Variants in RBM47 observed in about 807,000 individuals in gnomAD.
The protein encoded by RBM47 is RNA-binding protein 47.
A neutral mutation model predicts 47.1 loss-of-function variants in RBM47; 21 were observed. That is an observed-to-expected ratio of 0.45 (90% CI 0.32 to 0.64). RBM47 has a LOEUF of 0.64. Ranked by LOEUF, RBM47 falls within the 30% of genes least tolerant of loss-of-function variation. RBM47 has a pLI of 0.05. For missense variants in RBM47, 708 were observed against 870.9 expected (o/e 0.81, Z 2.35); for synonymous variants, 375 against 361.7 (o/e 1.04, Z -0.42).
intron 1 of RBM47, among the ~76,000 whole-genome samples, chr4:40,607,347 G>A (rs1353483391): frequency 6.6e-6 from 1 of 152,192 alleles, no homozygotes; most frequent in Non-Finnish European, 1.5e-5. Context: ...GCCAGGGGAT[G>A]GGAGAGAGAG....
intron 2 of RBM47, among the ~76,000 whole-genome samples, chr4:40,535,605 G>GT (rs1727894336): frequency 5.9e-5 from 9 of 151,330 alleles, no homozygotes; most frequent in Non-Finnish European, 1.2e-4. Flanking sequence ...CTGTCGCCCA[G>GT]GCTGGAGTGC....
intron 1 of RBM47, among the ~76,000 whole-genome samples, chr4:40,619,850 C>T (rs1737090858): frequency 6.6e-6 from 1 of 152,202 alleles, no homozygotes; most frequent in Non-Finnish European, 1.5e-5. Flanking sequence ...TTATTCACCA[C>T]TGGGTACTTC....
chr4:40,602,440 G>C (rs995852109), intron 1 of RBM47, among the ~76,000 whole-genome samples: 1 of 151,930 alleles, frequency 6.6e-6, no homozygotes, highest in Non-Finnish European at 1.5e-5. Flanking sequence ...ATGAGGTCAA[G>C]ATATCGAGAC....
intron 1 of RBM47, among the ~76,000 whole-genome samples, chr4:40,566,617 G>A (rs777450844): frequency 2.0e-5 from 3 of 151,948 alleles, no homozygotes; most frequent in Non-Finnish European, 2.9e-5. Flanking sequence ...TACACTCCAC[G>A]CTGGGCGACA....
chr4:40,449,345 G>C (rs562187037), intron 3 of RBM47, among the ~76,000 whole-genome samples: 1 of 152,124 alleles, frequency 6.6e-6, no homozygotes, highest in Non-Finnish European at 1.5e-5. Context: ...ATGACATTCC[G>C]GGCCATGCCT....
At chr4:40,469,778 A>G (rs1718576559) in intron 2 of RBM47, among the ~76,000 whole-genome samples, 1 of 151,882 alleles carries the variant, frequency 6.6e-6, no homozygotes, top group Non-Finnish European at 1.5e-5. Context: ...CCTTTTTATG[A>G]TGTAGCACAA....
intron 2 of RBM47, among the ~76,000 whole-genome samples, chr4:40,534,237 A>G (rs1000208639): frequency 2.6e-5 from 4 of 151,930 alleles, no homozygotes; most frequent in Non-Finnish European, 4.4e-5. Flanking sequence ...CAGTGCTGGG[A>G]TTACAGGCCT....
chr4:40,620,374 A>G lies in RBM47; in HGVS notation c.-240+9022T>C, dbSNP rs527780872. Reference sequence around the variant, plus strand: ...ACAAAAATTAGCCAGGCATGGTGGCAGGCGCCTGTAATCCCAGCTAGCCAG... The same window carrying G: ...ACAAAAATTAGCCAGGCATGGTGGCGGGCGCCTGTAATCCCAGCTAGCCAG... On this transcript the variant is annotated intron_variant, in intron 1 of 6. Transcript: ENST00000295971. Among the ~76,000 whole-genome samples, 22 of 151,208 alleles carry G rather than the reference A, an allele frequency of 1.5e-4. No homozygotes were observed. The East Asian group carries it at 3.9e-3, about 27-fold the overall frequency.
chr4:40,457,329 G>A (rs1042295185), intron 3 of RBM47, among the ~76,000 whole-genome samples: 6 of 151,002 alleles, frequency 4.0e-5, no homozygotes, highest in African/African-American at 1.5e-4. Context: ...GGCTGAGACA[G>A]GGAGAATCAC....
chr4:40,614,389 TA>T (rs1736526049), intron 1 of RBM47, among the ~76,000 whole-genome samples: 1 of 152,072 alleles, frequency 6.6e-6, no homozygotes, highest in South Asian at 2.1e-4. Flanking sequence ...TATCTAATTT[TA>T]AAAGAAAGGA....
rs1713135387 is a variant in RBM47, at chr4:40,438,744, G to A, written c.150C>T (p.Asn50=). 4 of 1,598,022 alleles carry A rather than the reference G, an allele frequency of 2.5e-6. No individual in the cohort carries two copies. The highest frequency in any genetic ancestry group is 1.3e-5 in the African/African-American group (1 of 74,730). ...GTGGGCCGCCGTACTTGCGCTGCCC[G>A]TTCTCTTGCACCATGCTGTAGCCCG... is the stretch of plus-strand genomic sequence containing the variant. ...ERTGYSMVQE[N]GQRKYGGPPP... Residue 50 remains asparagine (N), a synonymous_variant, in exon 4 of 7, where the codon AAC becomes AAT. Transcript: ENST00000295971.
chr4:40,496,361 CA>C (rs1214702547), intron 2 of RBM47, among the ~76,000 whole-genome samples: 25 of 100,938 alleles, frequency 2.5e-4, no homozygotes, highest in African/African-American at 7.1e-4. Context: ...CACACACACA[CA>C]CAAAGAGAGA....
intron 2 of RBM47, among the ~76,000 whole-genome samples, chr4:40,518,338 G>A (rs984844492): frequency 3.3e-5 from 5 of 151,022 alleles, no homozygotes; most frequent in African/African-American, 9.7e-5. Flanking sequence ...CACCACACCC[G>A]GCTAATTTTG....
In RBM47 at chr4:40,436,647, G is replaced by A; in HGVS notation, c.1124C>T (p.Ala375Val). 1 of 1,613,586 alleles carries A rather than the reference G, an allele frequency of 6.2e-7. No homozygotes were observed. The highest frequency in any genetic ancestry group is 8.5e-7 in the Non-Finnish European group (1 of 1,179,848). ...IGPNRDYFVK[A>V]GSIRGRGRGA... Reference sequence around the variant, plus strand: ...TCGCCCTCGGCCTCTTATGCTGCCTGCTTGTAATAACAACACAAAAGATGA... The same window carrying A: ...TCGCCCTCGGCCTCTTATGCTGCCTACTTGTAATAACAACACAAAAGATGA... Residue 375 changes from alanine (A) to valine (V), a missense_variant and splice_region_variant, in exon 5 of 7, where the codon GCA becomes GTA. By Grantham distance (64) the Ala-to-Val change is moderately conservative. Coordinates refer to ENST00000295971, the MANE Select transcript of RBM47 (RefSeq NM_001098634.2).
intron 1 of RBM47, among the ~76,000 whole-genome samples, chr4:40,568,920 A>G (rs13143599): frequency 0.9 from 136,899 of 151,620 alleles, 62,190 homozygotes; most frequent in African/African-American, 0.98. Context: ...GGCGGAGGTT[A>G]CAGTGAGCCG....
chr4:40,490,297 G>GA (rs1560414028), intron 2 of RBM47, among the ~76,000 whole-genome samples: 2 of 147,474 alleles, frequency 1.4e-5, no homozygotes, highest in East Asian at 2.0e-4. Context: ...AAAGGAAAAA[G>GA]AAAAAAAAAG....
intron 1 of RBM47, among the ~76,000 whole-genome samples, chr4:40,587,754 T>C (rs1553905664): frequency 6.6e-6 from 1 of 152,082 alleles, no homozygotes; most frequent in Non-Finnish European, 1.5e-5. Context: ...GTTGGAGAGG[T>C]GATGCCACGG....
At chr4:40,519,786 A>C (rs1560441221) in intron 2 of RBM47, among the ~76,000 whole-genome samples, 1 of 149,314 alleles carries the variant, frequency 6.7e-6, no homozygotes, top group Non-Finnish European at 1.5e-5. Context: ...TCTCCTGCCT[A>C]AGCCTCCCGA....
chr4:40,524,951 C>T (rs544189044), intron 2 of RBM47, among the ~76,000 whole-genome samples: 5 of 152,250 alleles, frequency 3.3e-5, no homozygotes, highest in Admixed American at 2.6e-4. Flanking sequence ...CTGATCCAGG[C>T]CACTGGATAT....
Sources: gnomAD v4.1 joint callset for allele counts (sites outside exome capture counted in the v4.1 genomes callset) on GRCh38, gnomAD v4.1.1 for gene constraint, MANE v1.5 for transcripts, NCBI Gene and HGNC (gene_info 2026-07-23, HGNC 2026-07-21) for gene names.